GAS7: variants seen among roughly 807,000 people sequenced by gnomAD.
GAS7 encodes the protein growth arrest specific 7.
GAS7 carries 28 observed loss-of-function variants against 71.1 expected under a neutral mutation model. The observed-to-expected ratio is 0.39, with a 90% confidence interval of 0.29 to 0.54. The LOEUF (loss-of-function observed/expected upper bound fraction) is 0.54. GAS7 is among the 20% of genes least tolerant of loss of function. The pLI, the probability that GAS7 is intolerant of heterozygous loss-of-function variation, is 0.62. For synonymous variants in GAS7, 258 were observed against 245.8 expected, an observed-to-expected ratio of 1.05 and a Z score of -0.46; for missense variants, 436 against 627.8, an observed-to-expected ratio of 0.69 and a Z score of 3.27.
At chr17:10,141,435 G>C (rs2074080412) in intron 1 of GAS7, among the ~76,000 whole-genome samples, 3 of 151,596 alleles carry the variant, frequency 2.0e-5, no homozygotes, top group Admixed American at 2.0e-4. Flanking sequence ...GCAACAGCAA[G>C]ACTGTGCCAA....
chr17:10,083,996 G>A (rs11658463), intron 1 of GAS7, among the ~76,000 whole-genome samples: 6,018 of 152,194 alleles, frequency 0.04, 174 homozygotes, highest in Non-Finnish European at 0.062. Flanking sequence ...TCGGCCTGGA[G>A]GTGAGGTTTC....
chr17:10,155,749 C>T (rs1042178817), intron 1 of GAS7, among the ~76,000 whole-genome samples: 6 of 152,216 alleles, frequency 3.9e-5, no homozygotes, highest in Non-Finnish European at 8.8e-5. Flanking sequence ...GTTAAATATA[C>T]AGCAGTGGTT....
At chr17:10,192,863 G>GA (rs2074512629) in intron 1 of GAS7, among the ~76,000 whole-genome samples, 1 of 152,146 alleles carries the variant, frequency 6.6e-6, no homozygotes, top group Non-Finnish European at 1.5e-5. Flanking sequence ...ATTTAGTGAA[G>GA]ATGTCAGAAA....
intron 4 of GAS7, among the ~76,000 whole-genome samples, chr17:9,966,171 T>C (rs2069706531): frequency 6.6e-6 from 1 of 151,794 alleles, no homozygotes; most frequent in Admixed American, 6.6e-5. Context: ...GCTAATTTTT[T>C]GTATTTTTAG....
chr17:10,022,754 C>A (rs1023644541), intron 1 of GAS7, among the ~76,000 whole-genome samples: 3 of 152,224 alleles, frequency 2.0e-5, no homozygotes, highest in Non-Finnish European at 4.4e-5. Flanking sequence ...TACGGCGATA[C>A]GGACCTCCAC....
intron 2 of GAS7, among the ~76,000 whole-genome samples, chr17:10,018,841 C>A (rs2072146968): frequency 6.6e-6 from 1 of 152,200 alleles, no homozygotes; most frequent in East Asian, 1.9e-4. Context: ...AAGGCTGAGC[C>A]AGCAGTGGAC....
intron 4 of GAS7, among the ~76,000 whole-genome samples, chr17:9,960,641 T>C (rs2069450696): frequency 6.6e-6 from 1 of 152,234 alleles, no homozygotes; most frequent in Non-Finnish European, 1.5e-5. Flanking sequence ...CCTGGACACC[T>C]GGCCAAATGA....
intron 5 of GAS7, chr17:9,958,975 C>A: frequency 7.1e-7 from 1 of 1,414,784 alleles, no homozygotes. Flanking sequence ...CAGCCATCCT[C>A]CTTCCACTTG....
chr17:10,132,910 G>T (rs1032237099), intron 1 of GAS7, among the ~76,000 whole-genome samples: 4 of 151,508 alleles, frequency 2.6e-5, no homozygotes, highest in Non-Finnish European at 4.4e-5. Flanking sequence ...CTGCACCTCC[G>T]ACCTCCACCC....
intron 1 of GAS7, among the ~76,000 whole-genome samples, chr17:10,096,500 G>C (rs17759453): frequency 0.27 from 41,089 of 152,140 alleles, 6,091 homozygotes; most frequent in Non-Finnish European, 0.33. Flanking sequence ...TCTGTCACTT[G>C]GGCCTGCATA....
chr17:10,173,925 G>A (rs546895130), intron 1 of GAS7, among the ~76,000 whole-genome samples: 5 of 152,316 alleles, frequency 3.3e-5, no homozygotes, highest in Admixed American at 2.0e-4. Flanking sequence ...ACAGGGAGAC[G>A]GTGGAGGGAT....
rs1164366727 is a variant in GAS7, at chr17:9,914,993, T to C, written c.*2235A>G. On this transcript the variant is annotated 3_prime_UTR_variant, in exon 14 of 14. Coordinates refer to ENST00000432992, the MANE Select transcript of GAS7 (RefSeq NM_201433.2). ...TGACGACAGGGCCATTATAGTGTCC[T>C]CAGATTAGATCTTAGCACAATGGCT... is the stretch of plus-strand genomic sequence containing the variant. 1 of 232,248 alleles carries C rather than the reference T, an allele frequency of 4.3e-6. No homozygotes were observed. Among genetic ancestry groups the C allele is most frequent in the Admixed American group, 5.6e-5 (1 of 17,738 alleles). 14.4% of individuals were successfully genotyped at this position (232,248 alleles called of 1,614,324 possible). A position where few individuals can be genotyped will look rare whatever the true frequency, so the allele number is the denominator to read the frequency against.
intron 1 of GAS7, among the ~76,000 whole-genome samples, chr17:10,150,587 A>ATTTTTT (rs1351385212): frequency 2.5e-5 from 1 of 40,508 alleles, no homozygotes; most frequent in Non-Finnish European, 4.2e-5. Context: ...AGGCTGTTAC[A>ATTTTTT]TTTCTTTTTT....
chr17:10,188,393 AT>A (rs1190058434), intron 1 of GAS7, among the ~76,000 whole-genome samples: 1 of 152,154 alleles, frequency 6.6e-6, no homozygotes, highest in African/African-American at 2.4e-5. Flanking sequence ...CTGTGATGTA[AT>A]ATACGCTGAT....
Position 9,914,410 on chromosome 17 carries a change from C to T in GAS7, c.*2818G>A. ...TCTGGCTAATTTTTTGTATTTTTAGCAGAGACGGGGTTTCACCATGTTAGC... is the reference window on the plus strand; with the variant it reads ...TCTGGCTAATTTTTTGTATTTTTAGTAGAGACGGGGTTTCACCATGTTAGC... On this transcript the variant is annotated 3_prime_UTR_variant, in exon 14 of 14. Coordinates refer to ENST00000432992, the MANE Select transcript of GAS7 (RefSeq NM_201433.2). 1.1e-5 allele frequency: 2 copies of T among 179,886 alleles called. No individual in the cohort carries two copies. The highest frequency in any genetic ancestry group is 2.4e-5 in the Non-Finnish European group (2 of 84,126). 11.1% of individuals were successfully genotyped at this position (179,886 alleles called of 1,614,324 possible).
At chr17:10,085,706 A>AAAAAAAAAAAAGAAAGAAAGAAAG (rs1555531934) in intron 1 of GAS7, among the ~76,000 whole-genome samples, 42 of 134,936 alleles carry the variant, frequency 3.1e-4, no homozygotes, top group Admixed American at 6.7e-4. Flanking sequence ...AAAAAAAAAA[A>AAAAAAAAAAAAGAAAGAAAGAAAG]AAAGAAAGAA....
At chr17:10,179,836 C>T (rs994489482) in intron 1 of GAS7, among the ~76,000 whole-genome samples, 5 of 152,038 alleles carry the variant, frequency 3.3e-5, no homozygotes, top group African/African-American at 9.7e-5. Context: ...AAGGACGCTC[C>T]GAGACAGCAG....
chr17:10,003,449 A>C (rs1469638586), intron 2 of GAS7, among the ~76,000 whole-genome samples: 1 of 152,214 alleles, frequency 6.6e-6, no homozygotes, highest in Admixed American at 6.5e-5. Flanking sequence ...CCAGCCACCA[A>C]GGCCCCCCAT....
intron 6 of GAS7, among the ~76,000 whole-genome samples, chr17:9,944,159 T>C (rs1195737328): frequency 1.3e-5 from 2 of 152,244 alleles, no homozygotes; most frequent in Non-Finnish European, 2.9e-5. Context: ...GCCCCTTCCC[T>C]GCCATTCCCC....
Sources: allele counts gnomAD v4.1 joint callset (sites outside exome capture counted in the v4.1 genomes callset), GRCh38; gene constraint gnomAD v4.1.1; transcripts MANE v1.5; gene names NCBI Gene and HGNC (gene_info 2026-07-23, HGNC 2026-07-21).